ARHGAP30: variants seen among roughly 807,000 people sequenced by gnomAD.
ARHGAP30 encodes the protein Rho GTPase activating protein 30, also known as rho GTPase-activating protein 30.
Under a neutral mutation model 72.0 loss-of-function variants are expected in ARHGAP30, and 23 were observed. That is an observed-to-expected ratio of 0.32 (90% CI 0.23 to 0.45). The LOEUF (loss-of-function observed/expected upper bound fraction) is 0.45. Ranked by LOEUF, ARHGAP30 falls within the 20% of genes least tolerant of loss-of-function variation. The pLI, the probability that ARHGAP30 is intolerant of heterozygous loss-of-function variation, is 1.00. For synonymous variants in ARHGAP30, 576 were observed against 528.2 expected (o/e 1.09, Z -1.24); for missense variants, 1,319 against 1,383.4 (o/e 0.95, Z 0.74).
chr1:161,052,000 C>T (rs1470879344), intron 9 of ARHGAP30, among the ~76,000 whole-genome samples: 11 of 56,734 alleles, frequency 1.9e-4, no homozygotes, highest in African/African-American at 7.8e-4. Context: ...ACCACCACCA[C>T]CACCACCACC....
rs1557921733 is a variant in ARHGAP30, at chr1:161,052,448, T to C, written c.932A>G (p.Glu311Gly). The change falls in exon 8 of 12, where the codon GAG becomes GGG. Residue 311 changes from glutamate to glycine, a missense_variant. Glu to Gly is a moderately conservative substitution (Grantham distance 98). Coordinates refer to ENST00000368013, the MANE Select transcript of ARHGAP30 (RefSeq NM_001025598.2). Reference sequence around the variant, plus strand: ...CATCTCCCCAGACTTACCCCTGTCCTCAGCCCCCCGTGGAAGTTTACGCTT... The same window carrying C: ...CATCTCCCCAGACTTACCCCTGTCCCCAGCCCCCCGTGGAAGTTTACGCTT... ...ETKRKLPRGA[E>G]DREDKSNKGT... The C allele has an allele frequency of 6.2e-7, 1 of 1,613,268 alleles. No individual in the cohort carries two copies. Among genetic ancestry groups the C allele is most frequent in the Non-Finnish European group, 8.5e-7 (1 of 1,179,860 alleles).
At chr1:161,055,677 G>A (rs942272757) in intron 3 of ARHGAP30, among the ~76,000 whole-genome samples, 2 of 150,542 alleles carry the variant, frequency 1.3e-5, no homozygotes, top group African/African-American at 2.4e-5. Context: ...CCAGCTACTC[G>A]GGAGGCTGAG....
chr1:161,063,805 C>A (rs554196730), intron 1 of ARHGAP30, among the ~76,000 whole-genome samples: 5 of 152,226 alleles, frequency 3.3e-5, no homozygotes, highest in Admixed American at 2.6e-4. Flanking sequence ...TCTGAACGCC[C>A]CCCCCACCGG....
rs748185892 is a variant in ARHGAP30 at position 161,069,498 on chromosome 1, A to C, written c.97+30T>G. ...GCAGATGCCCAGTGCCTCCCCACCC[A>C]CCCTGCAGAAGCTGAGCCGGCCTCC... On this transcript the variant is annotated intron_variant, in intron 1 of 11. Transcript: ENST00000368013. The surrounding 1 kb of genome is among the most constrained non-coding windows in gnomAD (Gnocchi z 4.9). The C allele has an allele frequency of 1.7e-5, 26 of 1,529,000 alleles. No homozygotes were observed. The highest frequency in any genetic ancestry group is 2.3e-5 in the East Asian group (1 of 44,272). 94.7% of individuals were successfully genotyped at this position (1,529,000 alleles called of 1,614,324 possible). A position where few individuals can be genotyped will look rare whatever the true frequency, so the allele number is the denominator to read the frequency against.
intron 2 of ARHGAP30, among the ~76,000 whole-genome samples, chr1:161,057,538 T>C (rs868055569): frequency 6.6e-6 from 1 of 151,992 alleles, no homozygotes; most frequent in African/African-American, 2.4e-5. Flanking sequence ...CTCAGAAGGC[T>C]GAGGTAGGAG....
chr1:161,049,704 G>T lies in ARHGAP30; in HGVS notation c.1421-15C>A. Reference sequence around the variant, plus strand: ...CAACTTTTCATCTGTTGGGGGAGAAGTAGTCCCAGGAATACAAAGGTCAAG... The same window carrying T: ...CAACTTTTCATCTGTTGGGGGAGAATTAGTCCCAGGAATACAAAGGTCAAG... On this transcript the variant is annotated splice_polypyrimidine_tract_variant and intron_variant, in intron 10 of 11. Transcript: ENST00000368013. The T allele has an allele frequency of 1.2e-6, 2 of 1,609,324 alleles. No individual in the cohort carries two copies. The highest frequency in any genetic ancestry group is 1.7e-6 in the Non-Finnish European group (2 of 1,177,470).
At chr1:161,057,314 C>G (rs1000821332) in intron 2 of ARHGAP30, among the ~76,000 whole-genome samples, 1 of 151,934 alleles carries the variant, frequency 6.6e-6, no homozygotes, top group African/African-American at 2.4e-5. Flanking sequence ...CCACCATGCC[C>G]GGCTAAACAA....
In ARHGAP30 at chr1:161,056,442, A is replaced by G; in HGVS notation, c.291T>C (p.Tyr97=). 6.2e-7 allele frequency: 1 copy of G among 1,614,074 alleles called. No homozygotes were observed. Residue 97 remains tyrosine (Y), a synonymous_variant, in exon 3 of 12, where the codon TAT becomes TAC. Coordinates refer to ENST00000368013, the MANE Select transcript of ARHGAP30 (RefSeq NM_001025598.2). ...GCAGGGGATCCGGCAGTTCTCTGAA[A>G]TAGGCCTTGCACAGGGAGGAGACGC... The part of the protein sequence containing the change: ...IHCVSSLCKA[Y]FRELPDPLLT...
In ARHGAP30 at chr1:161,047,839, C is replaced by G; in HGVS notation, c.3182G>C (p.Gly1061Ala). Residue 1061 changes from glycine (G) to alanine (A), a missense_variant, in exon 12 of 12, where the codon GGA becomes GCA. Around this residue, in one of 2 missense-constraint regions of ARHGAP30, gnomAD observed 1,097 missense variants for 1,045.2 expected, o/e 1.05. Transcript: ENST00000368013. ...ELPSEGAEGSGSRSRLSLPPR... is the reference protein window; with the variant it reads ...ELPSEGAEGSASRSRLSLPPR... The stretch of plus-strand genomic sequence containing the variant: ...GGGCAGACTAAGACGACTCCGGGAT[C>G]CAGACCCTTCTGCACCTTCAGATGG... 1 of 1,611,486 alleles carries G rather than the reference C, an allele frequency of 6.2e-7. No individual in the cohort carries two copies.
At chr1:161,055,592 C>G (rs1180667652) in intron 3 of ARHGAP30, among the ~76,000 whole-genome samples, 1 of 151,798 alleles carries the variant, frequency 6.6e-6, no homozygotes, top group Non-Finnish European at 1.5e-5. Flanking sequence ...GGATTCAAGA[C>G]CAGCCTGGCC....
intron 2 of ARHGAP30, among the ~76,000 whole-genome samples, chr1:161,058,141 A>T (rs1214783896): frequency 6.6e-6 from 1 of 151,074 alleles, no homozygotes; most frequent in African/African-American, 2.4e-5. Context: ...ACAAGAGTGA[A>T]ACTCCATCTC....
intron 1 of ARHGAP30, among the ~76,000 whole-genome samples, chr1:161,062,290 A>T (rs1219751288): frequency 2.6e-5 from 4 of 152,104 alleles, no homozygotes; most frequent in African/African-American, 9.7e-5. Flanking sequence ...ACCCTTCACA[A>T]ATCAGGTCCA....
intron 1 of ARHGAP30, chr1:161,060,170 A>G (rs553601951): frequency 2.3e-6 from 1 of 443,402 alleles, no homozygotes; most frequent in South Asian, 1.6e-5. Flanking sequence ...AGTTTCAGCT[A>G]CTCAGGAGGC....
At chr1:161,059,750 C>A in intron 1 of ARHGAP30, 34 bp from the exon 2 acceptor site, 1 of 1,582,636 alleles carries the variant, frequency 6.3e-7, no homozygotes, top group South Asian at 1.1e-5. Flanking sequence ...ACATAGAAAT[C>A]AGAGGATCTG....
chr1:161,053,186 ATCT>A, intron 6 of ARHGAP30, 69 bp downstream of exon 6: 1 of 1,586,154 alleles, frequency 6.3e-7, no homozygotes, highest in South Asian at 1.1e-5. Context: ...GAAGTAGGTG[ATCT>A]TCAAGGCTCT....
Position 161,069,648 on chromosome 1 carries a change from C to T in ARHGAP30, c.-24G>A, listed in dbSNP as rs1326622200. On this transcript the variant is annotated 5_prime_UTR_variant, in exon 1 of 12. Coordinates refer to ENST00000368013, the MANE Select transcript of ARHGAP30 (RefSeq NM_001025598.2). The surrounding 1 kb of genome is among the most constrained non-coding windows in gnomAD (Gnocchi z 4.9). Reference sequence around the variant, plus strand: ...ATGGCCAGAGCCCCAGGGCACTGGCCCGGTCACCTCTATCCCCCAAGACCT... The same window carrying T: ...ATGGCCAGAGCCCCAGGGCACTGGCTCGGTCACCTCTATCCCCCAAGACCT... 2.5e-6 allele frequency: 4 copies of T among 1,603,718 alleles called. No homozygotes were observed. The highest frequency in any genetic ancestry group is 2.5e-6 in the Non-Finnish European group (3 of 1,177,866).
Position 161,051,671 on chromosome 1 carries a change from A to G in ARHGAP30, c.1063T>C (p.Leu355=), listed in dbSNP as rs150920217. ...TCGTTCTCCAAGCTCTCAGGCAGCA[A>G]TGGGCTTGGCCGGGGGCTGCTGGGC... is the stretch of plus-strand genomic sequence containing the variant. ...VGPSSPRPSP[L]LPESLENDSI... is the part of the protein sequence containing the mutation. The change falls in exon 10 of 12, where the codon TTG becomes CTG. Residue 355 remains leucine (L), a synonymous_variant. Coordinates refer to ENST00000368013, the MANE Select transcript of ARHGAP30 (RefSeq NM_001025598.2). The G allele has an allele frequency of 5.6e-5, 90 of 1,612,596 alleles. No homozygotes were observed. The African/African-American group carries it at 7.3e-4, about 13-fold the overall frequency.
rs188285546 is a variant in ARHGAP30, at chr1:161,049,768, A to G, written c.1421-79T>C. 7.2e-6 allele frequency: 11 copies of G among 1,527,806 alleles called. No homozygotes were observed. In the Admixed American group the frequency reaches 1.3e-4, roughly 18 times the overall value. The allele number at this position is 1,527,806 out of a possible 1,614,324, so 94.6% of individuals were successfully genotyped here. On this transcript the variant is annotated intron_variant, in intron 10 of 11. Transcript: ENST00000368013. ...CAGTGTGAGTCCTCCTAGCATTGAT[A>G]TAGCAGGGGCCCAGCACTCCCAGCA...
At chr1:161,049,741 TTCA>T in intron 10 of ARHGAP30, 52 bp from the exon 11 acceptor site, 2 of 1,576,116 alleles carry the variant, frequency 1.3e-6, no homozygotes, top group Non-Finnish European at 1.7e-6. Context: ...CCTGACCCTT[TTCA>T]GTGTGAGTCC....
Sources: allele counts gnomAD v4.1 joint callset (sites outside exome capture counted in the v4.1 genomes callset), GRCh38; gene constraint gnomAD v4.1.1; regional missense constraint gnomAD v4.1.1; non-coding constraint Gnocchi (gnomAD v3.1); transcripts MANE v1.5; gene names NCBI Gene and HGNC (gene_info 2026-07-23, HGNC 2026-07-21).